The following KIRREL3 variants were observed in gnomAD, a reference collection of about 807,000 sequenced individuals.
KIRREL3 encodes the protein kin of IRRE-like protein 3.
KIRREL3 carries 36 observed loss-of-function variants against 89.7 expected under a neutral mutation model. That is an observed-to-expected ratio of 0.40 (90% confidence interval 0.31 to 0.53). KIRREL3 has a LOEUF of 0.53. Ranked by LOEUF, KIRREL3 falls within the 20% of genes least tolerant of loss-of-function variation. KIRREL3 has a pLI of 0.49. For missense variants in KIRREL3, 864 were observed against 1,056.6 expected, an observed-to-expected ratio of 0.82 and a Z score of 2.53; for synonymous variants, 445 against 441.4, an observed-to-expected ratio of 1.01 and a Z score of -0.10.
At chr11:126,829,753 A>G (rs1384600757) in intron 1 of KIRREL3, among the ~76,000 whole-genome samples, 3 of 152,362 alleles carry the variant, frequency 2.0e-5, no homozygotes, top group South Asian at 2.1e-4. Context: ...AAGAGCTTAC[A>G]GTATACATAG....
chr11:126,638,670 G>A (rs915941024), intron 1 of KIRREL3, among the ~76,000 whole-genome samples: 1 of 152,178 alleles, frequency 6.6e-6, no homozygotes, highest in African/African-American at 2.4e-5. Flanking sequence ...ATATGTTCAC[G>A]TCACTGCAGT....
chr11:126,906,837 TTTC>T lies in KIRREL3; in HGVS notation c.55+93615_55+93617del, dbSNP rs1946607970. Reference sequence around the variant, plus strand: ...TGCCTCCTGAAAGGATGGCTTTGCCTTTCTGAGGTCCATGAAGGGAAGTCAGAG... The same window carrying T: ...TGCCTCCTGAAAGGATGGCTTTGCCTTGAGGTCCATGAAGGGAAGTCAGAG... On this transcript the variant is annotated intron_variant, in intron 1 of 16. Coordinates refer to ENST00000525144, the MANE Select transcript of KIRREL3 (RefSeq NM_032531.4). This position sits in a 1 kb window ranked among gnomAD's most constrained non-coding sequence, Gnocchi z 4.1. Among the ~76,000 whole-genome samples, 2 of 152,230 alleles carry T rather than the reference TTTC, an allele frequency of 1.3e-5. No individual in the cohort carries two copies. Among genetic ancestry groups the T allele is most frequent in the Non-Finnish European group, 2.9e-5 (2 of 68,032 alleles).
chr11:126,601,335 C>T lies in KIRREL3; in HGVS notation c.56-38423G>A, dbSNP rs78701035. Among the ~76,000 whole-genome samples the T allele has an allele frequency of 0.014, 2,125 of 152,294 alleles. 40 individuals carry two copies. The highest frequency in any genetic ancestry group is 0.048 in the African/African-American group (2,010 of 41,546). ...GCCGTGGGCATCTTGGGTTTTGCAG[C>T]TCAGCCCTGGGCCTGCTAATGCCCT... On this transcript the variant is annotated intron_variant, in intron 1 of 16. Transcript: ENST00000525144. The surrounding 1 kb of genome is among the most constrained non-coding windows in gnomAD (Gnocchi z 5.8).
intron 1 of KIRREL3, among the ~76,000 whole-genome samples, chr11:126,793,551 G>T (rs78561752): frequency 0.02 from 3,090 of 152,232 alleles, 44 homozygotes; most frequent in Middle Eastern, 0.051. Context: ...GCATGGCCAC[G>T]GCAGATGCTG....
At chr11:126,836,169 G>A (rs1250931365) in intron 1 of KIRREL3, among the ~76,000 whole-genome samples, 2 of 152,224 alleles carry the variant, frequency 1.3e-5, no homozygotes, top group Non-Finnish European at 2.9e-5. Flanking sequence ...TTTTCAGTCA[G>A]TTCTGTGAGT....
rs551710247 is a variant in KIRREL3, at chr11:126,527,575, G to A, written c.134-888C>T. Among the ~76,000 whole-genome samples, 5 of 152,270 alleles carry A rather than the reference G, an allele frequency of 3.3e-5. No homozygotes were observed. The highest frequency in any genetic ancestry group is 1.9e-4 in the East Asian group (1 of 5,182). ...CAGATGGGAAAATGAGGCACAGGGA[G>A]GTGAAAAATAGTAATGGGAGCTGTG... On this transcript the variant is annotated intron_variant, in intron 2 of 16. Transcript: ENST00000525144. The surrounding 1 kb of genome is among the most constrained non-coding windows in gnomAD (Gnocchi z 4.2).
intron 1 of KIRREL3, among the ~76,000 whole-genome samples, chr11:126,572,966 G>A (rs1941047506): frequency 6.6e-6 from 1 of 152,202 alleles, no homozygotes; most frequent in Non-Finnish European, 1.5e-5. Context: ...AATGAGTAGG[G>A]GTAGGGGGAG....
intron 1 of KIRREL3, among the ~76,000 whole-genome samples, chr11:126,762,131 C>A (rs989555666): frequency 5.3e-5 from 8 of 151,930 alleles, no homozygotes; most frequent in African/African-American, 1.9e-4. Flanking sequence ...GCTGAGGTCA[C>A]AACATTGCAC....
rs1312359170 is a variant in KIRREL3 at position 126,995,607 on chromosome 11, T to C, written c.55+4848A>G. On this transcript the variant is annotated intron_variant, in intron 1 of 16. Coordinates refer to ENST00000525144, the MANE Select transcript of KIRREL3 (RefSeq NM_032531.4). This position sits in a 1 kb window ranked among gnomAD's most constrained non-coding sequence, Gnocchi z 6.5. ...GGCCCTCCTCCTCACTCCTCCAGTATGGGCAATTTTCTTTTCCTCATCCAT... is the reference window on the plus strand; with the variant it reads ...GGCCCTCCTCCTCACTCCTCCAGTACGGGCAATTTTCTTTTCCTCATCCAT... 3.4e-6 allele frequency: 1 copy of C among 292,764 alleles called. No homozygotes were observed. The highest frequency in any genetic ancestry group is 2.2e-5 in the African/African-American group (1 of 45,720). 18.1% of individuals were successfully genotyped at this position (292,764 alleles called of 1,614,324 possible). A position where few individuals can be genotyped will look rare whatever the true frequency, so the allele number is the denominator to read the frequency against.
rs1946775852 is a variant in KIRREL3, at chr11:126,689,042, A to AGAGAGAGAGAGAG, written c.56-126131_56-126130insCTCTCTCTCTCTC. 7.7e-6 allele frequency among the ~76,000 whole-genome samples: 1 copy of AGAGAGAGAGAGAG among 129,766 alleles called. No individual in the cohort carries two copies. The highest frequency in any genetic ancestry group is 3.0e-5 in the African/African-American group (1 of 33,346). The allele number at this position is 129,766 out of a possible 152,430, so 85.1% of individuals were successfully genotyped here. ...ATGTGTGTGTGTGTAAGGGGGAGAGAAGAGAGAGAGAGAGAGAGAGAGAGA... is the reference window on the plus strand; with the variant it reads ...ATGTGTGTGTGTGTAAGGGGGAGAGAGAGAGAGAGAGAGAGAGAGAGAGAGAGAGAGAGAGAGA... On this transcript the variant is annotated intron_variant, in intron 1 of 16. Transcript: ENST00000525144. The surrounding 1 kb of genome is among the most constrained non-coding windows in gnomAD (Gnocchi z 5.2).
Position 126,606,754 on chromosome 11 carries a change from T to C in KIRREL3, c.56-43842A>G, listed in dbSNP as rs1475979033. ...CATTCTTGGGACATTCTCCTTGAAC[T>C]CTGCAGGGGCCTTAAAACATCCCTA... On this transcript the variant is annotated intron_variant, in intron 1 of 16. Coordinates refer to ENST00000525144, the MANE Select transcript of KIRREL3 (RefSeq NM_032531.4). This position sits in a 1 kb window ranked among gnomAD's most constrained non-coding sequence, Gnocchi z 4.6. Among the ~76,000 whole-genome samples, 3 of 152,194 alleles carry C rather than the reference T, an allele frequency of 2.0e-5. No homozygotes were observed. Among genetic ancestry groups the C allele is most frequent in the Non-Finnish European group, 4.4e-5 (3 of 68,044 alleles).
At chr11:126,469,790 T>C (rs1412561098) in intron 5 of KIRREL3, among the ~76,000 whole-genome samples, 1 of 152,204 alleles carries the variant, frequency 6.6e-6, no homozygotes, top group Non-Finnish European at 1.5e-5. Flanking sequence ...CAGGGACACA[T>C]TGAGGGTCTC....
intron 9 of KIRREL3, among the ~76,000 whole-genome samples, chr11:126,446,008 C>T (rs779244544): frequency 7.2e-5 from 11 of 152,030 alleles, no homozygotes; most frequent in Non-Finnish European, 1.3e-4. Context: ...ATTAGCTGGG[C>T]GTGGTGGCCC....
chr11:126,523,863 C>T lies in KIRREL3; in HGVS notation c.284-2399G>A, dbSNP rs1231803523. The stretch of plus-strand genomic sequence containing the variant: ...CTGTTGTCTTGCAAGCTATCAGCAG[C>T]AGGATTTTGCTCTCACGAGCTGCTG... On this transcript the variant is annotated intron_variant, in intron 3 of 16. Coordinates refer to ENST00000525144, the MANE Select transcript of KIRREL3 (RefSeq NM_032531.4). The surrounding 1 kb of genome is among the most constrained non-coding windows in gnomAD (Gnocchi z 4.9). Among the ~76,000 whole-genome samples the T allele has an allele frequency of 6.6e-6, 1 of 152,154 alleles. No homozygotes were observed. Among genetic ancestry groups the T allele is most frequent in the African/African-American group, 2.4e-5 (1 of 41,426 alleles).
intron 1 of KIRREL3, among the ~76,000 whole-genome samples, chr11:126,865,623 CT>C (rs1277349001): frequency 6.6e-6 from 1 of 152,204 alleles, no homozygotes; most frequent in Non-Finnish European, 1.5e-5. Flanking sequence ...AGAGTTTGAA[CT>C]GAACATGGTC....
intron 1 of KIRREL3, among the ~76,000 whole-genome samples, chr11:126,937,725 C>G (rs145060772): frequency 6.6e-6 from 1 of 151,972 alleles, no homozygotes; most frequent in African/African-American, 2.4e-5. Flanking sequence ...CAGTGAAACC[C>G]CATCTCTACT....
rs1946219633 is a variant in KIRREL3, at chr11:126,676,941, C to T, written c.56-114029G>A. Among the ~76,000 whole-genome samples, 1 of 152,030 alleles carries T rather than the reference C, an allele frequency of 6.6e-6. No individual in the cohort carries two copies. The highest frequency in any genetic ancestry group is 2.1e-4 in the South Asian group (1 of 4,814). Reference sequence around the variant, plus strand: ...CTGGGACTACAGGCATGCACCACCACACCACGCTAATTTTTAAAAAATTTT... The same window carrying T: ...CTGGGACTACAGGCATGCACCACCATACCACGCTAATTTTTAAAAAATTTT... On this transcript the variant is annotated intron_variant, in intron 1 of 16. Transcript: ENST00000525144. The surrounding 1 kb of genome is among the most constrained non-coding windows in gnomAD (Gnocchi z 4.5).
At chr11:126,926,323 G>A (rs1177932539) in intron 1 of KIRREL3, among the ~76,000 whole-genome samples, 1 of 152,206 alleles carries the variant, frequency 6.6e-6, no homozygotes, top group Admixed American at 6.5e-5. Flanking sequence ...AGTGGGTTGT[G>A]AGAACGAAAG....
rs557222329 is a variant in KIRREL3, at chr11:126,521,135, C to T, written c.433+180G>A. Among the ~76,000 whole-genome samples, 90 of 152,132 alleles carry T rather than the reference C, an allele frequency of 5.9e-4. No homozygotes were observed. The highest frequency in any genetic ancestry group is 2.1e-3 in the African/African-American group (88 of 41,530). ...TCTGGTTTACTAGGGAAAGAGCCTT[C>T]GCTTGTCCCGTTTGGGTGGGAAGGT... is the stretch of plus-strand genomic sequence containing the variant. On this transcript the variant is annotated intron_variant, in intron 4 of 16. Coordinates refer to ENST00000525144, the MANE Select transcript of KIRREL3 (RefSeq NM_032531.4). The surrounding 1 kb of genome is among the most constrained non-coding windows in gnomAD (Gnocchi z 4.1).
Sources: gnomAD v4.1 joint callset for allele counts (sites outside exome capture counted in the v4.1 genomes callset) on GRCh38, gnomAD v4.1.1 for gene constraint, Gnocchi (gnomAD v3.1) non-coding constraint, MANE v1.5 for transcripts, NCBI Gene and HGNC (gene_info 2026-07-23, HGNC 2026-07-21) for gene names.